The following USP25 variants were observed in gnomAD, a reference collection of about 807,000 sequenced individuals.
The protein encoded by USP25 is ubiquitin specific peptidase 25.
Under a neutral mutation model 158.5 loss-of-function variants are expected in USP25, and 85 were observed. The ratio of observed to expected loss-of-function variants is 0.54; its 90% CI spans 0.45 to 0.64. USP25 has a LOEUF of 0.64. Among genes scored for constraint, USP25 ranks in the 30% least tolerant of loss-of-function variants. The pLI is 0.00. For missense variants in USP25, 1,242 were observed against 1,327.3 expected, an observed-to-expected ratio of 0.94 and a Z score of 1.00; for synonymous variants, 464 against 460.4, an observed-to-expected ratio of 1.01 and a Z score of -0.10.
intron 18 of USP25, 24 bp from the exon 19 acceptor site, chr21:15,847,639 T>C: frequency 6.8e-7 from 1 of 1,477,874 alleles, no homozygotes; most frequent in South Asian, 1.2e-5. Context: ...TTCTAATGTT[T>C]ATATTAATGA....
chr21:15,864,229 A>T (rs757444392), intron 20 of USP25, 39 bp from the exon 21 acceptor site: 13 of 1,579,660 alleles, frequency 8.2e-6, no homozygotes, highest in Non-Finnish European at 1.1e-5. Context: ...TGGTGTTCAA[A>T]TAATTAACCA....
intron 5 of USP25, among the ~76,000 whole-genome samples, chr21:15,797,737 A>G (rs1025686190): frequency 2.0e-5 from 3 of 151,130 alleles, no homozygotes; most frequent in Non-Finnish European, 4.5e-5. Context: ...TGTCTCCCCT[A>G]CTTAACAGTA....
At chr21:15,740,837 C>T (rs1046112765) in intron 1 of USP25, among the ~76,000 whole-genome samples, 17 of 151,548 alleles carry the variant, frequency 1.1e-4, no homozygotes, top group African/African-American at 3.9e-4. Flanking sequence ...CTGGAAATTT[C>T]CTTTGTTCCT....
rs544155446 is a variant in USP25 at position 15,795,384 on chromosome 21, A to G, written c.555+3720A>G. Among the ~76,000 whole-genome samples the G allele has an allele frequency of 2.0e-5, 3 of 151,722 alleles. No homozygotes were observed. The East Asian group carries it at 5.8e-4, about 29-fold the overall frequency. ...TTTTCTATATACTTTAATATTTTCT[A>G]AATGCTTCAACATGTTTGTTATGGT... On this transcript the variant is annotated intron_variant, in intron 5 of 25. Coordinates refer to ENST00000400183, the MANE Select transcript of USP25 (RefSeq NM_001283041.3).
intron 18 of USP25, among the ~76,000 whole-genome samples, chr21:15,846,925 T>C (rs1352484665): frequency 1.3e-5 from 2 of 151,974 alleles, no homozygotes; most frequent in Non-Finnish European, 2.9e-5. Flanking sequence ...ATAGAATTTG[T>C]TAACAATAAA....
At chr21:15,846,138 A>G (rs1157558790) in intron 18 of USP25, among the ~76,000 whole-genome samples, 13 of 47,438 alleles carry the variant, frequency 2.7e-4, no homozygotes, top group African/African-American at 1.6e-3. Flanking sequence ...ATATATATAT[A>G]TATATATATA....
intron 20 of USP25, among the ~76,000 whole-genome samples, chr21:15,851,843 A>G (rs1277131325): frequency 6.6e-6 from 1 of 151,918 alleles, no homozygotes. Flanking sequence ...CTGATCCATA[A>G]CTAGTAACTT....
chr21:15,783,847 G>C (rs2035115863), intron 4 of USP25, among the ~76,000 whole-genome samples: 1 of 151,866 alleles, frequency 6.6e-6, no homozygotes, highest in Non-Finnish European at 1.5e-5. Flanking sequence ...GTGGGTGCCG[G>C]TAGTCTCAGC....
In USP25 at chr21:15,816,643, G is replaced by A. The variant is rs1568842933; in HGVS notation, c.932-2055G>A. On this transcript the variant is annotated intron_variant, in intron 9 of 25. Coordinates refer to ENST00000400183, the MANE Select transcript of USP25 (RefSeq NM_001283041.3). This position sits in a 1 kb window ranked among gnomAD's most constrained non-coding sequence, Gnocchi z 4.0. ...TCCCATCCCCTAGGCATCTCATTCAGTGCCTTAATTTCCTGCTGTCAATAA... is the reference window on the plus strand; with the variant it reads ...TCCCATCCCCTAGGCATCTCATTCAATGCCTTAATTTCCTGCTGTCAATAA... Among the ~76,000 whole-genome samples the A allele has an allele frequency of 6.6e-6, 1 of 152,058 alleles. No individual in the cohort carries two copies. Among genetic ancestry groups the A allele is most frequent in the Non-Finnish European group, 1.5e-5 (1 of 68,000 alleles).
chr21:15,819,963 T>TA (rs1482723948), intron 10 of USP25, among the ~76,000 whole-genome samples: 2 of 152,074 alleles, frequency 1.3e-5, no homozygotes, highest in African/African-American at 4.8e-5. Flanking sequence ...TCTATTTCAG[T>TA]GATTCTCAAT....
At chr21:15,860,093 A>G (rs1445021995) in intron 20 of USP25, among the ~76,000 whole-genome samples, 1 of 150,272 alleles carries the variant, frequency 6.7e-6, no homozygotes, top group Non-Finnish European at 1.5e-5. Context: ...GGTTCAAGTG[A>G]TTCTCCTGCC....
At chr21:15,817,147 GTCATCA>G (rs796136169) in intron 9 of USP25, among the ~76,000 whole-genome samples, 3 of 148,470 alleles carry the variant, frequency 2.0e-5, no homozygotes, top group Non-Finnish European at 4.5e-5. Flanking sequence ...AAAATAAAAT[GTCATCA>G]TCATCATCAT....
At chr21:15,871,734 A>G (rs1419868071) in intron 23 of USP25, among the ~76,000 whole-genome samples, 2 of 152,208 alleles carry the variant, frequency 1.3e-5, no homozygotes, top group Admixed American at 6.5e-5. Flanking sequence ...TTTCAAATAC[A>G]TACTTATTCA....
intron 9 of USP25, 48 bp downstream of exon 9, chr21:15,811,258 TTCATTCATTCGTCTCG>T: frequency 6.8e-7 from 1 of 1,481,464 alleles, no homozygotes; most frequent in Non-Finnish European, 9.3e-7. Context: ...GAGATTATTA[TTCATTCATTCGTCTCG>T]ATAGTTACTA....
chr21:15,838,630 T>G (rs779326311), intron 17 of USP25, among the ~76,000 whole-genome samples: 1 of 152,284 alleles, frequency 6.6e-6, no homozygotes, highest in East Asian at 1.9e-4. Context: ...TTGTGGACTT[T>G]TAAATACATT....
chr21:15,780,358 T>C (rs2034896235), intron 4 of USP25, among the ~76,000 whole-genome samples: 1 of 152,206 alleles, frequency 6.6e-6, no homozygotes, highest in Non-Finnish European at 1.5e-5. Flanking sequence ...TTATACACTT[T>C]TTAGTGTCAG....
intron 5 of USP25, among the ~76,000 whole-genome samples, chr21:15,796,002 A>T (rs1013797233): frequency 6.6e-6 from 1 of 151,518 alleles, no homozygotes; most frequent in Non-Finnish European, 1.5e-5. Context: ...AAATTATTTG[A>T]ACTCTTATCC....
At chr21:15,874,213 A>G (rs1047643575) in intron 23 of USP25, among the ~76,000 whole-genome samples, 190 bp from the exon 24 acceptor site, 17 of 152,278 alleles carry the variant, frequency 1.1e-4, no homozygotes, top group African/African-American at 2.6e-4. Flanking sequence ...TAAGATAACT[A>G]TCTCTGGGTT....
intron 4 of USP25, 102 bp downstream of exon 4, chr21:15,778,129 A>G: frequency 9.2e-7 from 1 of 1,091,668 alleles, no homozygotes; most frequent in South Asian, 2.4e-5. Flanking sequence ...ATACTTTGTT[A>G]CTCTAAACTA....
Sources: allele counts gnomAD v4.1 joint callset (sites outside exome capture counted in the v4.1 genomes callset), GRCh38; gene constraint gnomAD v4.1.1; non-coding constraint Gnocchi (gnomAD v3.1); transcripts MANE v1.5; gene names NCBI Gene and HGNC (gene_info 2026-07-23, HGNC 2026-07-21).